Variants in SPAG6 observed in about 807,000 individuals in gnomAD.
The protein encoded by SPAG6 is sperm associated antigen 6, also known as sperm-associated antigen 6.
In SPAG6, 49 loss-of-function variants were observed where a neutral mutation model predicts 58.5. The ratio of observed to expected loss-of-function variants is 0.84; its 90% CI spans 0.67 to 1.06. The LOEUF (loss-of-function observed/expected upper bound fraction) is 1.06. Ranked by LOEUF, SPAG6 falls within the 50% of genes least tolerant of loss-of-function variation. The pLI, the probability that SPAG6 is intolerant of heterozygous loss-of-function variation, is 0.00. For synonymous variants in SPAG6, 233 were observed against 225.6 expected, an observed-to-expected ratio of 1.03 and a Z score of -0.29; for missense variants, 560 against 611.3, an observed-to-expected ratio of 0.92 and a Z score of 0.89.
chr10:22,407,338 G>A (rs2130633693), intron 9 of SPAG6, among the ~76,000 whole-genome samples: 1 of 151,890 alleles, frequency 6.6e-6, no homozygotes, highest in South Asian at 2.1e-4. Context: ...GCCTGGTGGT[G>A]ACAAAATCTC....
intron 2 of SPAG6, among the ~76,000 whole-genome samples, chr10:22,362,442 T>TA (rs554929109): frequency 6.8e-4 from 104 of 151,972 alleles, no homozygotes; most frequent in African/African-American, 2.4e-3. Flanking sequence ...ATATTTATTA[T>TA]AAAAAATATG....
At chr10:22,361,388 A>G (rs1318809342) in intron 2 of SPAG6, 1 of 152,286 alleles carries the variant, frequency 6.6e-6, no homozygotes, top group Non-Finnish European at 1.5e-5. Context: ...AGAAACATGG[A>G]GAAAATATAT....
intron 2 of SPAG6, among the ~76,000 whole-genome samples, chr10:22,357,543 G>A (rs1836902011): frequency 6.6e-6 from 1 of 151,802 alleles, no homozygotes; most frequent in East Asian, 1.9e-4. Context: ...AAATTATGTG[G>A]ATGAAAATAT....
At chr10:22,388,086 G>A in intron 6 of SPAG6, 90 bp downstream of exon 6, 3 of 1,037,222 alleles carry the variant, frequency 2.9e-6, no homozygotes, top group Non-Finnish European at 2.7e-6. Flanking sequence ...CCTAGGGGTT[G>A]TGGCACATGA....
At chr10:22,406,588 G>A (rs1834562557) in intron 9 of SPAG6, among the ~76,000 whole-genome samples, 1 of 152,112 alleles carries the variant, frequency 6.6e-6, no homozygotes, top group Non-Finnish European at 1.5e-5. Context: ...TAGGTGTGGT[G>A]TGGTGCTGAA....
chr10:22,361,053 G>T, intron 2 of SPAG6: 2 of 468,914 alleles, frequency 4.3e-6, no homozygotes, highest in Non-Finnish European at 7.5e-6. Flanking sequence ...AAGCACATGG[G>T]GACTGATAAT....
Position 22,417,412 on chromosome 10 carries a change from T to C in SPAG6, c.*724T>C, listed in dbSNP as rs570466050. 6.6e-6 allele frequency: 1 copy of C among 152,132 alleles called. No homozygotes were observed. The highest frequency in any genetic ancestry group is 2.4e-5 in the African/African-American group (1 of 41,426). 9.4% of individuals were successfully genotyped at this position (152,132 alleles called of 1,614,324 possible). A position where few individuals can be genotyped will look rare whatever the true frequency, so the allele number is the denominator to read the frequency against. On this transcript the variant is annotated 3_prime_UTR_variant, in exon 11 of 11. Coordinates refer to ENST00000376624, the MANE Select transcript of SPAG6 (RefSeq NM_012443.4). Reference sequence around the variant, plus strand: ...AGGTTTCTTAGTCTAGCTCTGCTCATGAATGAACAAAGAAGCAGGCATGTA... The same window carrying C: ...AGGTTTCTTAGTCTAGCTCTGCTCACGAATGAACAAAGAAGCAGGCATGTA...
chr10:22,347,634 T>G (rs1473679022), intron 2 of SPAG6, among the ~76,000 whole-genome samples: 1 of 152,200 alleles, frequency 6.6e-6, no homozygotes, highest in African/African-American at 2.4e-5. Flanking sequence ...GTATCATGTT[T>G]TAGTGAGTAG....
At chr10:22,372,228 G>T (rs1195642905) in intron 4 of SPAG6, among the ~76,000 whole-genome samples, 3 of 151,966 alleles carry the variant, frequency 2.0e-5, no homozygotes, top group Non-Finnish European at 4.4e-5. Flanking sequence ...TACCATGCCC[G>T]CTTTATAAAT....
chr10:22,346,430 G>GTTCTCCTTCTTC, intron 2 of SPAG6, among the ~76,000 whole-genome samples: 1 of 96,002 alleles, frequency 1.0e-5, no homozygotes, highest in Non-Finnish European at 2.2e-5. Flanking sequence ...AGAGAAAATG[G>GTTCTCCTTCTTC]TTCTTCTTCT....
intron 10 of SPAG6, among the ~76,000 whole-genome samples, chr10:22,414,392 C>T (rs559915913): frequency 1.4e-4 from 22 of 152,190 alleles, no homozygotes; most frequent in South Asian, 4.1e-4. Context: ...CGAAGGAGTA[C>T]GCTAAGAGCT....
At chr10:22,377,068 A>G (rs74789041) in intron 4 of SPAG6, among the ~76,000 whole-genome samples, 1 of 140,818 alleles carries the variant, frequency 7.1e-6, no homozygotes. Context: ...GCCTCTGGAG[A>G]AAAAAAAAAA....
At position 22,345,836 on chromosome 10, in the gene SPAG6, ACCCCCGTCGC is replaced by A; in HGVS notation, c.121+25_121+34del. The stretch of plus-strand genomic sequence containing the variant: ...GAACGCGGGTGAGCCCGGAGCCCGA[ACCCCCGTCGC>A]CCCCCGCGCACTGAGTCCCCGACGC... On this transcript the variant is annotated intron_variant, in intron 2 of 10. Transcript: ENST00000376624. The surrounding 1 kb of genome is among the most constrained non-coding windows in gnomAD (Gnocchi z 6.3). 1 of 1,607,174 alleles carries A rather than the reference ACCCCCGTCGC, an allele frequency of 6.2e-7. No homozygotes were observed. The highest frequency in any genetic ancestry group is 8.5e-7 in the Non-Finnish European group (1 of 1,177,106).
intron 10 of SPAG6, among the ~76,000 whole-genome samples, chr10:22,411,973 C>G (rs993397145): frequency 2.6e-5 from 4 of 151,400 alleles, no homozygotes; most frequent in Admixed American, 2.0e-4. Flanking sequence ...GTCGGCCTCC[C>G]GAGTAGCTGG....
chr10:22,384,511 T>C (rs1302791491), intron 4 of SPAG6, among the ~76,000 whole-genome samples: 1 of 152,232 alleles, frequency 6.6e-6, no homozygotes, highest in Non-Finnish European at 1.5e-5. Context: ...TGTATATACA[T>C]TCACTATCTG....
chr10:22,385,715 T>C (rs1172434188), intron 4 of SPAG6, among the ~76,000 whole-genome samples: 1 of 152,216 alleles, frequency 6.6e-6, no homozygotes, highest in Non-Finnish European at 1.5e-5. Context: ...ATATTACCAA[T>C]ACTTTGAAAA....
intron 4 of SPAG6, among the ~76,000 whole-genome samples, chr10:22,370,867 A>G (rs2132057730): frequency 6.6e-6 from 1 of 152,246 alleles, no homozygotes; most frequent in African/African-American, 2.4e-5. Context: ...GTTTTTTTTT[A>G]AGTCAGAGGG....
intron 4 of SPAG6, among the ~76,000 whole-genome samples, chr10:22,371,138 C>T (rs113283087): frequency 6.6e-6 from 1 of 152,038 alleles, no homozygotes; most frequent in African/African-American, 2.4e-5. Flanking sequence ...CCAGAAGCTC[C>T]CAGAAGAGAT....
intron 9 of SPAG6, among the ~76,000 whole-genome samples, chr10:22,404,614 T>G (rs1834503597): frequency 7.7e-6 from 1 of 129,380 alleles, no homozygotes; most frequent in East Asian, 2.1e-4. Flanking sequence ...GACTTGGCAA[T>G]GCGGGCTCTT....
Sources: allele counts gnomAD v4.1 joint callset (sites outside exome capture counted in the v4.1 genomes callset), GRCh38; gene constraint gnomAD v4.1.1; non-coding constraint Gnocchi (gnomAD v3.1); transcripts MANE v1.5; gene names NCBI Gene and HGNC (gene_info 2026-07-23, HGNC 2026-07-21).